Variants in CNGA3 observed in about 807,000 individuals in gnomAD.
CNGA3 encodes the protein cyclic nucleotide gated channel subunit alpha 3.
CNGA3 carries 42 observed loss-of-function variants against 46.6 expected under a neutral mutation model. The ratio of observed to expected loss-of-function variants is 0.90; its 90% CI spans 0.70 to 1.17. The LOEUF (loss-of-function observed/expected upper bound fraction) is 1.17. Among genes scored for constraint, CNGA3 ranks in the 50% most tolerant of loss-of-function variants. The pLI, the probability that CNGA3 is intolerant of heterozygous loss-of-function variation, is 0.00. For synonymous variants in CNGA3, 394 were observed against 369.4 expected (o/e 1.07, Z -0.76); for missense variants, 893 against 890.7 (o/e 1.00, Z -0.03).
intron 7 of CNGA3, among the ~76,000 whole-genome samples, chr2:98,394,456 C>T (rs566425959): frequency 6.6e-6 from 1 of 152,276 alleles, no homozygotes; most frequent in South Asian, 2.1e-4. Flanking sequence ...ATTTGGGAGG[C>T]CATGGCCTGT....
At chr2:98,380,444 A>G (rs1371572906) in intron 4 of CNGA3, 90 bp downstream of exon 4, 5 of 1,492,332 alleles carry the variant, frequency 3.4e-6, no homozygotes, top group Non-Finnish European at 4.6e-6. Flanking sequence ...TGGATGCAGC[A>G]CAGGTGGCCT....
chr2:98,387,608 G>C (rs1286898164), intron 5 of CNGA3, among the ~76,000 whole-genome samples: 2 of 152,214 alleles, frequency 1.3e-5, no homozygotes, highest in Non-Finnish European at 2.9e-5. Context: ...AAAACCTGCA[G>C]TCACAGGACC....
intron 1 of CNGA3, chr2:98,350,876 C>T (rs552344345): frequency 6.6e-6 from 1 of 152,306 alleles, no homozygotes; most frequent in South Asian, 2.1e-4. Context: ...ACTCTACCTT[C>T]CTGTCATGAG....
At chr2:98,367,185 C>CTTTTTTTTTTTTTTTT (rs558997785) in intron 1 of CNGA3, among the ~76,000 whole-genome samples, 221 of 95,084 alleles carry the variant, frequency 2.3e-3, no homozygotes, top group Admixed American at 5.5e-3. Flanking sequence ...TCTTTTTTTT[C>CTTTTTTTTTTTTTTTT]TTTTTTTTTT....
chr2:98,350,684 G>A (rs1355186917), intron 1 of CNGA3: 2 of 152,160 alleles, frequency 1.3e-5, no homozygotes, highest in African/African-American at 4.8e-5. Flanking sequence ...CTGCCTCTTG[G>A]TTAAGAAACA....
At chr2:98,374,100 C>A (rs1373725451) in intron 2 of CNGA3, among the ~76,000 whole-genome samples, 1 of 152,222 alleles carries the variant, frequency 6.6e-6, no homozygotes, top group South Asian at 2.1e-4. Context: ...CCTCTGTTTA[C>A]TCTCATGTCC....
intron 1 of CNGA3, among the ~76,000 whole-genome samples, chr2:98,357,463 A>G (rs1574360059): frequency 6.6e-6 from 1 of 152,312 alleles, no homozygotes; most frequent in African/African-American, 2.4e-5. Flanking sequence ...CCCATCCTGC[A>G]TTGCACCCAT....
chr2:98,395,702 G>GTA lies in CNGA3; in HGVS notation c.674-141_674-140dup, dbSNP rs1477524996. On this transcript the variant is annotated intron_variant, in intron 7 of 7. Transcript: ENST00000272602. ...TCAGAGTGCATTTCCTGTAGTAATGGTAAGTGTTGTTTTTGAAATCATTTC... is the reference window on the plus strand; with the variant it reads ...TCAGAGTGCATTTCCTGTAGTAATGGTATAAGTGTTGTTTTTGAAATCATTTC... 1.0e-5 allele frequency: 7 copies of GTA among 701,594 alleles called. No individual in the cohort carries two copies. The East Asian group carries it at 1.9e-4, about 19-fold the overall frequency. 43.5% of individuals were successfully genotyped at this position (701,594 alleles called of 1,614,324 possible).
chr2:98,377,171 C>T (rs141509774), intron 2 of CNGA3: 25 of 170,642 alleles, frequency 1.5e-4, no homozygotes, highest in African/African-American at 1.4e-4. Flanking sequence ...AGCGGGTTCC[C>T]AGGAAGCCTG....
chr2:98,347,155 T>G (rs1691651728), intron 1 of CNGA3: 1 of 152,046 alleles, frequency 6.6e-6, no homozygotes, highest in Admixed American at 6.6e-5. Flanking sequence ...GGGACTATTT[T>G]CCCTTGGGGA....
intron 1 of CNGA3, among the ~76,000 whole-genome samples, chr2:98,368,109 G>T (rs926587352): frequency 6.6e-6 from 1 of 152,210 alleles, no homozygotes; most frequent in African/African-American, 2.4e-5. Flanking sequence ...AACAATGTTT[G>T]ATCTATTGAG....
chr2:98,375,454 G>A (rs1692383776), intron 2 of CNGA3, among the ~76,000 whole-genome samples: 1 of 152,176 alleles, frequency 6.6e-6, no homozygotes, highest in Non-Finnish European at 1.5e-5. Flanking sequence ...CGAATCCAAG[G>A]ACCTCTGCCA....
chr2:98,381,111 C>T (rs111768404), intron 4 of CNGA3, among the ~76,000 whole-genome samples: 4 of 152,280 alleles, frequency 2.6e-5, no homozygotes, highest in African/African-American at 9.6e-5. Context: ...GTCTCCCCAG[C>T]AGGTGGTCTG....
chr2:98,382,737 G>T (rs1328542211), intron 4 of CNGA3, among the ~76,000 whole-genome samples: 1 of 152,212 alleles, frequency 6.6e-6, no homozygotes, highest in Non-Finnish European at 1.5e-5. Flanking sequence ...TAAATATCCA[G>T]TTTGTGCAAA....
At position 98,396,486 on chromosome 2, in the gene CNGA3, G is replaced by A. The variant is rs760376435; in HGVS notation, c.1316G>A (p.Arg439Gln). 3.8e-5 allele frequency: 62 copies of A among 1,613,842 alleles called. No individual in the cohort carries two copies. Among genetic ancestry groups the A allele is most frequent in the Admixed American group, 5.0e-5 (3 of 59,992 alleles). The change falls in exon 8 of 8, where the codon CGG (arginine) becomes CAG (glutamine). Residue 439 changes from arginine to glutamine, a missense_variant. Transcript: ENST00000272602. ...AAGGACTTGGAGACGCGGGTTATCC[G>A]GTGGTTTGACTACCTGTGGGCCAAC... ...VTKDLETRVI[R>Q]WFDYLWANKK... is the part of the protein sequence containing the mutation.
At chr2:98,361,705 T>TA (rs1491306173) in intron 1 of CNGA3, among the ~76,000 whole-genome samples, 4 of 68,440 alleles carry the variant, frequency 5.8e-5, no homozygotes, top group Non-Finnish European at 1.5e-4. Flanking sequence ...TTTTCTTGAC[T>TA]TTTTTTTTTT....
intron 2 of CNGA3, among the ~76,000 whole-genome samples, chr2:98,371,662 C>T (rs749635769): frequency 6.6e-6 from 1 of 152,182 alleles, no homozygotes; most frequent in Non-Finnish European, 1.5e-5. Context: ...CCTAACTAGC[C>T]CTTTGTCAAT....
chr2:98,397,441 G>A lies in CNGA3; in HGVS notation c.*186G>A, dbSNP rs946414031. 1.1e-5 allele frequency: 7 copies of A among 660,390 alleles called. No individual in the cohort carries two copies. The highest frequency in any genetic ancestry group is 1.8e-5 in the Non-Finnish European group (7 of 378,854). The allele number at this position is 660,390 out of a possible 1,614,324, so 40.9% of individuals were successfully genotyped here. ...AATGGGACTTTTTGTCTCAGTCCCA[G>A]TGAAGTGCCAGGTTTGATTGTGAAG... On this transcript the variant is annotated 3_prime_UTR_variant, in exon 8 of 8. Transcript: ENST00000272602.
chr2:98,389,510 C>T lies in CNGA3; in HGVS notation c.450-148C>T. On this transcript the variant is annotated intron_variant, in intron 5 of 7. Transcript: ENST00000272602. ...GGCCTGCCTTCCCCTACAGGGACTC[C>T]CCATGTGACTCCCTTGAGACTAAGA... is the stretch of plus-strand genomic sequence containing the variant. The T allele has an allele frequency of 5.3e-6, 4 of 752,288 alleles. No individual in the cohort carries two copies. The South Asian group carries it at 6.2e-5, about 12-fold the overall frequency. The allele number at this position is 752,288 out of a possible 1,614,324, so 46.6% of individuals were successfully genotyped here.
Sources: gnomAD v4.1 joint callset for allele counts (sites outside exome capture counted in the v4.1 genomes callset) on GRCh38, gnomAD v4.1.1 for gene constraint, MANE v1.5 for transcripts, NCBI Gene and HGNC (gene_info 2026-07-23, HGNC 2026-07-21) for gene names.